PRRT1: variants seen among roughly 807,000 people sequenced by gnomAD.
PRRT1 encodes proline rich transmembrane protein 1, also known as proline-rich transmembrane protein 1.
In PRRT1, 8 loss-of-function variants were observed where a neutral mutation model predicts 22.6. The ratio of observed to expected loss-of-function variants is 0.35; its 90% CI spans 0.21 to 0.64. The LOEUF is 0.64. Ranked by LOEUF, PRRT1 falls within the 30% of genes least tolerant of loss-of-function variation. PRRT1 has a pLI of 0.69. For synonymous variants in PRRT1, 176 were observed against 203.6 expected, an observed-to-expected ratio of 0.86 and a Z score of 1.15; for missense variants, 315 against 444.5, an observed-to-expected ratio of 0.71 and a Z score of 2.62.
chr6:32,151,988 C>CGG (rs1473335181), upstream of PRRT1: 2 of 72,094 alleles, frequency 2.8e-5, no homozygotes, highest in Non-Finnish European at 5.2e-5. Context: ...GGAGGGAGAG[C>CGG]GGGGAGGGGG....
chr6:32,148,470 T>G lies in PRRT1; in HGVS notation c.*752A>C. On this transcript the variant is annotated 3_prime_UTR_variant, in exon 4 of 4. Coordinates refer to ENST00000211413, the MANE Select transcript of PRRT1 (RefSeq NM_030651.4). The surrounding 1 kb of genome is among the most constrained non-coding windows in gnomAD (Gnocchi z 5.7). ...GAGCGGGGAGCGGGGACTTGGGAGG[T>G]CCATAGCCTGGATTCCCTTCTGCCC... The G allele has an allele frequency of 3.8e-6, 1 of 262,858 alleles. No individual in the cohort carries two copies. The highest frequency in any genetic ancestry group is 7.7e-6 in the Non-Finnish European group (1 of 130,072). 16.3% of individuals were successfully genotyped at this position (262,858 alleles called of 1,614,324 possible).
chr6:32,152,196 G>A, upstream of PRRT1: 1 of 614,210 alleles, frequency 1.6e-6, no homozygotes, highest in Non-Finnish European at 3.1e-6. Context: ...GAAGGAAGGA[G>A]AACTCTCTGG....
In PRRT1 at chr6:32,149,054, C is replaced by A. The variant is rs1208442444; in HGVS notation, c.*168G>T. 4 of 806,688 alleles carry A rather than the reference C, an allele frequency of 5.0e-6. No homozygotes were observed. Among genetic ancestry groups the A allele is most frequent in the Non-Finnish European group, 6.3e-6 (3 of 474,848 alleles). 50.0% of individuals were successfully genotyped at this position (806,688 alleles called of 1,614,324 possible). On this transcript the variant is annotated 3_prime_UTR_variant, in exon 4 of 4. Coordinates refer to ENST00000211413, the MANE Select transcript of PRRT1 (RefSeq NM_030651.4). This position sits in a 1 kb window ranked among gnomAD's most constrained non-coding sequence, Gnocchi z 8.7. The stretch of plus-strand genomic sequence containing the variant: ...GAGGGGTTCCTGAGGAACTGGATTC[C>A]GAGCTTGCTCGCAAGGCGAGACGTT...
chr6:32,151,822 T>A lies in PRRT1; in HGVS notation c.6A>T (p.Ser2=). 6.2e-7 allele frequency: 1 copy of A among 1,610,116 alleles called. No individual in the cohort carries two copies. The highest frequency in any genetic ancestry group is 8.5e-7 in the Non-Finnish European group (1 of 1,178,946). Reference sequence around the variant, plus strand: ...TATTGTTTTTACCTGACTTTTCGGATGACATGCCTGCGGTCTCGCTGGGAC... The same window carrying A: ...TATTGTTTTTACCTGACTTTTCGGAAGACATGCCTGCGGTCTCGCTGGGAC... M[S]SEKSGLPDSV... Residue 2 remains serine, a synonymous_variant, in exon 1 of 4, where the codon TCA becomes TCT. Transcript: ENST00000211413.
At position 32,149,426 on chromosome 6, in the gene PRRT1, T is replaced by A; in HGVS notation, c.745-28A>T. 1 of 1,593,708 alleles carries A rather than the reference T, an allele frequency of 6.3e-7. No homozygotes were observed. The highest frequency in any genetic ancestry group is 1.1e-5 in the South Asian group (1 of 89,360). On this transcript the variant is annotated intron_variant, in intron 3 of 3. Transcript: ENST00000211413. The surrounding 1 kb of genome is among the most constrained non-coding windows in gnomAD (Gnocchi z 8.7). ...ACGGAGGAGGGGTGGGGGAAGGAGG[T>A]CAAAGAGCTGCGGCCTCGTTCGAAC...
rs1331882445 is a variant in PRRT1, at chr6:32,149,104, A to G, written c.*118T>C. 1.9e-6 allele frequency: 2 copies of G among 1,079,640 alleles called. No individual in the cohort carries two copies. Among genetic ancestry groups the G allele is most frequent in the African/African-American group, 3.1e-5 (2 of 64,722 alleles). 66.9% of individuals were successfully genotyped at this position (1,079,640 alleles called of 1,614,324 possible). On this transcript the variant is annotated 3_prime_UTR_variant, in exon 4 of 4. Coordinates refer to ENST00000211413, the MANE Select transcript of PRRT1 (RefSeq NM_030651.4). The surrounding 1 kb of genome is among the most constrained non-coding windows in gnomAD (Gnocchi z 8.7). ...TCCGTGGAGGCGGAGTTTACGATGT[A>G]TCCAAGTCTGACGGCCCCAGAAACG...
At position 32,150,697 on chromosome 6, in the gene PRRT1, A is replaced by C; in HGVS notation, c.229T>G (p.Ser77Ala). Residue 77 changes from serine to alanine, a missense_variant, in exon 2 of 4, where the codon TCC becomes GCC. Ser to Ala is a moderately conservative substitution (Grantham distance 99). Coordinates refer to ENST00000211413, the MANE Select transcript of PRRT1 (RefSeq NM_030651.4). This position sits in a 1 kb window ranked among gnomAD's most constrained non-coding sequence, Gnocchi z 7.2. ...GGGGGCCTCGGCAGCGTGGCAGAGGAGGAGGGACCGCGCTGAGCGGTGGCC... is the reference window on the plus strand; with the variant it reads ...GGGGGCCTCGGCAGCGTGGCAGAGGCGGAGGGACCGCGCTGAGCGGTGGCC... ...SAATAQRGPS[S>A]SATLPRPPHH... The C allele has an allele frequency of 2.8e-6, 4 of 1,444,956 alleles. No homozygotes were observed. Among genetic ancestry groups the C allele is most frequent in the Non-Finnish European group, 3.6e-6 (4 of 1,102,792 alleles). The allele number at this position is 1,444,956 out of a possible 1,614,324, so 89.5% of individuals were successfully genotyped here. A position where few individuals can be genotyped will look rare whatever the true frequency, so the allele number is the denominator to read the frequency against.
In PRRT1 at chr6:32,149,482, A is replaced by G. The variant is rs559986590; in HGVS notation, c.744+55T>C. 2 of 1,607,138 alleles carry G rather than the reference A, an allele frequency of 1.2e-6. No homozygotes were observed. The highest frequency in any genetic ancestry group is 2.7e-5 in the African/African-American group (2 of 74,942). ...AGCCTTTCTCTAAGATGGTCCCCAG[A>G]ACGCCCAGAACTCCCTGTCCCCGCC... On this transcript the variant is annotated intron_variant, in intron 3 of 3. Transcript: ENST00000211413. This position sits in a 1 kb window ranked among gnomAD's most constrained non-coding sequence, Gnocchi z 8.7.
Position 32,150,148 on chromosome 6 carries a change from C to A in PRRT1, c.558+220G>T, listed in dbSNP as rs1479874422. Among the ~76,000 whole-genome samples the A allele has an allele frequency of 1.3e-5, 2 of 152,068 alleles. No homozygotes were observed. The highest frequency in any genetic ancestry group is 6.5e-5 in the Admixed American group (1 of 15,276). On this transcript the variant is annotated intron_variant, in intron 2 of 3. Transcript: ENST00000211413. The surrounding 1 kb of genome is among the most constrained non-coding windows in gnomAD (Gnocchi z 7.2). ...TCCTCTGAACCTCTAGGCTCCGATC[C>A]CCCTCCCAGGCCCTGACTCTGGGCA...
In PRRT1 at chr6:32,149,606, G is replaced by A; in HGVS notation, c.675C>T (p.Pro225=). The A allele has an allele frequency of 6.2e-7, 1 of 1,613,070 alleles. No individual in the cohort carries two copies. Among genetic ancestry groups the A allele is most frequent in the Non-Finnish European group, 8.5e-7 (1 of 1,180,018 alleles). Residue 225 remains proline (P), a synonymous_variant, in exon 3 of 4, where the codon CCC becomes CCT. Coordinates refer to ENST00000211413, the MANE Select transcript of PRRT1 (RefSeq NM_030651.4). The surrounding 1 kb of genome is among the most constrained non-coding windows in gnomAD (Gnocchi z 8.7). ...EPRRPPHDYM[P]IAVLTTICCF... ...AACAGATGGTGGTCAGCACCGCGAT[G>A]GGCATGTAGTCGTGTGGCGGGCGCC...
At position 32,148,854 on chromosome 6, in the gene PRRT1, C is replaced by A. The variant is rs1163321651; in HGVS notation, c.*368G>T. ...AAGGCGGAGCCTGCCGACCTGGAGG[C>A]GGGGTTTTGTCAGAGCTGGGGCGGT... is the stretch of plus-strand genomic sequence containing the variant. On this transcript the variant is annotated 3_prime_UTR_variant, in exon 4 of 4. Transcript: ENST00000211413. The surrounding 1 kb of genome is among the most constrained non-coding windows in gnomAD (Gnocchi z 5.7). 1 of 552,412 alleles carries A rather than the reference C, an allele frequency of 1.8e-6. No individual in the cohort carries two copies. 34.2% of individuals were successfully genotyped at this position (552,412 alleles called of 1,614,324 possible).
At chr6:32,151,964 C>CGGGGGG, upstream of PRRT1, 1 of 107,888 alleles carries the variant, frequency 9.3e-6, no homozygotes, top group South Asian at 4.8e-5. Flanking sequence ...GGGGGGGGGG[C>CGGGGGG]GGGGGGGGCG....
upstream of PRRT1, chr6:32,152,756 C>G (rs1303180061): frequency 1.3e-5 from 2 of 152,648 alleles, no homozygotes; most frequent in Admixed American, 6.5e-5. Flanking sequence ...CTCCCACCCA[C>G]CACCTCCCAC....
At position 32,150,293 on chromosome 6, in the gene PRRT1, C is replaced by A; in HGVS notation, c.558+75G>T. On this transcript the variant is annotated intron_variant, in intron 2 of 3. Transcript: ENST00000211413. This position sits in a 1 kb window ranked among gnomAD's most constrained non-coding sequence, Gnocchi z 7.2. ...GCCCTTGTTCCTCTATCCTACCAGC[C>A]CCCAGCGTATCCCCAATTTCAAGTC... 6.7e-6 allele frequency: 10 copies of A among 1,501,698 alleles called. No homozygotes were observed. The highest frequency in any genetic ancestry group is 8.8e-6 in the Non-Finnish European group (10 of 1,135,598). 93.0% of individuals were successfully genotyped at this position (1,501,698 alleles called of 1,614,324 possible). A position where few individuals can be genotyped will look rare whatever the true frequency, so the allele number is the denominator to read the frequency against.
At position 32,149,067 on chromosome 6, in the gene PRRT1, A is replaced by C. The variant is rs1199313762; in HGVS notation, c.*155T>G. The C allele has an allele frequency of 1.6e-5, 14 of 860,062 alleles. No individual in the cohort carries two copies. Among genetic ancestry groups the C allele is most frequent in the Non-Finnish European group, 2.7e-5 (14 of 520,666 alleles). The allele number at this position is 860,062 out of a possible 1,614,324, so 53.3% of individuals were successfully genotyped here. A position where few individuals can be genotyped will look rare whatever the true frequency, so the allele number is the denominator to read the frequency against. On this transcript the variant is annotated 3_prime_UTR_variant, in exon 4 of 4. Coordinates refer to ENST00000211413, the MANE Select transcript of PRRT1 (RefSeq NM_030651.4). The surrounding 1 kb of genome is among the most constrained non-coding windows in gnomAD (Gnocchi z 8.7). ...GGAACTGGATTCCGAGCTTGCTCGC[A>C]AGGCGAGACGTTCCGTGGAGGCGGA...
chr6:32,149,448 G>A lies in PRRT1; in HGVS notation c.745-50C>T. On this transcript the variant is annotated intron_variant, in intron 3 of 3. Transcript: ENST00000211413. The surrounding 1 kb of genome is among the most constrained non-coding windows in gnomAD (Gnocchi z 8.7). Reference sequence around the variant, plus strand: ...AGGTCAAAGAGCTGCGGCCTCGTTCGAACGCCTCAGCCTTTCTCTAAGATG... The same window carrying A: ...AGGTCAAAGAGCTGCGGCCTCGTTCAAACGCCTCAGCCTTTCTCTAAGATG... The A allele has an allele frequency of 1.3e-6, 2 of 1,593,428 alleles. No homozygotes were observed. Among genetic ancestry groups the A allele is most frequent in the South Asian group, 2.2e-5 (2 of 89,270 alleles).
chr6:32,151,986 A>AGGGGGGGGGGGGGGGGGGGGG, upstream of PRRT1: 2 of 75,956 alleles, frequency 2.6e-5, no homozygotes, highest in South Asian at 5.3e-5. Context: ...GCGGAGGGAG[A>AGGGGGGGGGGGGGGGGGGGGG]GCGGGGAGGG....
At chr6:32,152,000 G>GGGGGA, upstream of PRRT1, 1 of 350,442 alleles carries the variant, frequency 2.9e-6, no homozygotes, top group Non-Finnish European at 5.7e-6. Context: ...GGGAGGGGGG[G>GGGGGA]AGCTTAAAGG....
chr6:32,151,984 A>AGGGGGGGGGGGGGGGGGGGGGG, upstream of PRRT1: 2 of 76,806 alleles, frequency 2.6e-5, no homozygotes, highest in South Asian at 5.2e-5. Flanking sequence ...GGGCGGAGGG[A>AGGGGGGGGGGGGGGGGGGGGGG]GAGCGGGGAG....
Sources: allele counts gnomAD v4.1 joint callset (sites outside exome capture counted in the v4.1 genomes callset), GRCh38; gene constraint gnomAD v4.1.1; non-coding constraint Gnocchi (gnomAD v3.1); transcripts MANE v1.5; gene names NCBI Gene and HGNC (gene_info 2026-07-23, HGNC 2026-07-21).